MAP2: variants seen among roughly 807,000 people sequenced by gnomAD.
The protein encoded by MAP2 is microtubule-associated protein 2.
Under a neutral mutation model 137.6 loss-of-function variants are expected in MAP2, and 14 were observed. The ratio of observed to expected loss-of-function variants is 0.10; its 90% CI spans 0.07 to 0.16. The LOEUF (loss-of-function observed/expected upper bound fraction) is 0.16, where lower values mean the gene tolerates loss of function less well. Ranked by LOEUF, MAP2 falls within the 10% of genes least tolerant of loss-of-function variation. MAP2 has a pLI of 1.00. For synonymous variants in MAP2, 786 were observed against 782.3 expected, an observed-to-expected ratio of 1.00 and a Z score of -0.08; for missense variants, 2,088 against 2,191.5, an observed-to-expected ratio of 0.95 and a Z score of 0.94.
At chr2:209,519,458 A>G (rs1292420233) in intron 2 of MAP2, among the ~76,000 whole-genome samples, 1 of 151,976 alleles carries the variant, frequency 6.6e-6, no homozygotes, top group African/African-American at 2.4e-5. Context: ...TTAGGCTCCT[A>G]CCCTCCCATA....
In MAP2 at chr2:209,696,947, A is replaced by G; in HGVS notation, c.4418A>G (p.Lys1473Arg). 6.2e-7 allele frequency: 1 copy of G among 1,609,134 alleles called. No homozygotes were observed. The highest frequency in any genetic ancestry group is 8.5e-7 in the Non-Finnish European group (1 of 1,178,832). The change falls in exon 10 of 16, where the codon AAA (lysine) becomes AGA (arginine). Residue 1473 changes from lysine to arginine, a missense_variant. Coordinates refer to ENST00000682079, the MANE Select transcript of MAP2 (RefSeq NM_001375505.1). ...AVYKKAELAK[K>R]TEVQAHSPSR... Reference sequence around the variant, plus strand: ...TATAAGAAGGCTGAACTTGCTAAAAAAACAGAAGTTCAGGCCCACTCTCCC... The same window carrying G: ...TATAAGAAGGCTGAACTTGCTAAAAGAACAGAAGTTCAGGCCCACTCTCCC...
rs555930517 is a variant in MAP2 at position 209,566,555 on chromosome 2, T to G, written c.-171-13481T>G. Among the ~76,000 whole-genome samples, 39 of 152,322 alleles carry G rather than the reference T, an allele frequency of 2.6e-4. No homozygotes were observed. The South Asian group carries it at 3.9e-3, about 15-fold the overall frequency. On this transcript the variant is annotated intron_variant, in intron 2 of 15. Coordinates refer to ENST00000682079, the MANE Select transcript of MAP2 (RefSeq NM_001375505.1). ...ACTCTTCTCTATCCATGTCGCATAT[T>G]CTTGCTTCTTCTTCTGATTTGAGTG...
Position 209,506,976 on chromosome 2 carries a change from C to T in MAP2, c.-221-616C>T, listed in dbSNP as rs148001579. Among the ~76,000 whole-genome samples, 381 of 152,244 alleles carry T rather than the reference C, an allele frequency of 2.5e-3. 1 individual carries two copies. The highest frequency in any genetic ancestry group is 4.2e-3 in the Non-Finnish European group (283 of 68,000). ...GCAGATTGGTTTTGCTGAGGTCCTG[C>T]TTCCTGTTTTTTCCTCCGCCTTCAT... On this transcript the variant is annotated intron_variant, in intron 1 of 15. Transcript: ENST00000682079.
rs1408952286 is a variant in MAP2 at position 209,693,769 on chromosome 2, T to C, written c.1599T>C (p.Ile533=). ...EPSALIEKSS[I]QELFEMRVDD... Reference sequence around the variant, plus strand: ...CTGCATTAATTGAAAAGAGCTCAATTCAGGAACTTTTTGAAATGAGAGTTG... The same window carrying C: ...CTGCATTAATTGAAAAGAGCTCAATCCAGGAACTTTTTGAAATGAGAGTTG... Residue 533 remains isoleucine (I), a synonymous_variant, in exon 8 of 16, where the codon ATT becomes ATC. Transcript: ENST00000682079. 6.2e-7 allele frequency: 1 copy of C among 1,613,936 alleles called. No individual in the cohort carries two copies. Among genetic ancestry groups the C allele is most frequent in the Admixed American group, 1.7e-5 (1 of 59,992 alleles).
At chr2:209,650,896 T>C (rs963659472) in intron 4 of MAP2, among the ~76,000 whole-genome samples, 1 of 152,186 alleles carries the variant, frequency 6.6e-6, no homozygotes, top group African/African-American at 2.4e-5. Flanking sequence ...GTTCTCTGTG[T>C]ACACAAAATA....
At chr2:209,510,698 G>A (rs2061621792) in intron 2 of MAP2, among the ~76,000 whole-genome samples, 1 of 151,926 alleles carries the variant, frequency 6.6e-6, no homozygotes, top group African/African-American at 2.4e-5. Context: ...TGCTTGTAAA[G>A]GAATACTCAT....
chr2:209,627,470 C>G (rs955571467), intron 4 of MAP2, among the ~76,000 whole-genome samples: 2 of 152,044 alleles, frequency 1.3e-5, no homozygotes, highest in African/African-American at 4.8e-5. Flanking sequence ...ATATAAGTCT[C>G]TTAGGTCAGA....
At chr2:209,544,306 C>A (rs2067612203) in intron 2 of MAP2, among the ~76,000 whole-genome samples, 1 of 151,612 alleles carries the variant, frequency 6.6e-6, no homozygotes, top group South Asian at 2.1e-4. Context: ...TTTTTGTCTT[C>A]TAGCCCAGCA....
intron 2 of MAP2, among the ~76,000 whole-genome samples, chr2:209,549,389 G>C (rs2068715576): frequency 6.6e-6 from 1 of 152,064 alleles, no homozygotes; most frequent in African/African-American, 2.4e-5. Context: ...TCTGGCTCTG[G>C]TGGCTCCCAC....
chr2:209,598,703 TTTTTTGTTC>T (rs2082109341), intron 3 of MAP2, among the ~76,000 whole-genome samples: 1 of 150,820 alleles, frequency 6.6e-6, no homozygotes, highest in Non-Finnish European at 1.5e-5. Flanking sequence ...TGGTGTTTGG[TTTTTTGTTC>T]TTGCAATAGT....
At chr2:209,593,628 A>AT (rs1169277266) in intron 3 of MAP2, among the ~76,000 whole-genome samples, 1 of 63,428 alleles carries the variant, frequency 1.6e-5, no homozygotes, top group East Asian at 4.1e-4. Flanking sequence ...ACAAAAAAAA[A>AT]AAAAAAATAT....
intron 1 of MAP2, among the ~76,000 whole-genome samples, chr2:209,492,546 G>T (rs112015847): frequency 7.2e-5 from 11 of 152,048 alleles, no homozygotes; most frequent in Non-Finnish European, 1.5e-4. Flanking sequence ...AAACACCATC[G>T]TCAGGCCCAA....
intron 3 of MAP2, among the ~76,000 whole-genome samples, chr2:209,607,113 G>C (rs1186348858): frequency 1.3e-5 from 2 of 152,068 alleles, no homozygotes; most frequent in African/African-American, 4.8e-5. Flanking sequence ...ACATGTCCCA[G>C]GTACATTTCC....
chr2:209,429,318 A>C (rs1693585356), intron 1 of MAP2, among the ~76,000 whole-genome samples: 1 of 152,180 alleles, frequency 6.6e-6, no homozygotes, highest in Non-Finnish European at 1.5e-5. Context: ...TAAATAAAAA[A>C]TTTGGCTAGC....
At position 209,490,605 on chromosome 2, in the gene MAP2, C is replaced by CAAAAAAAAAAA. The variant is rs59133937; in HGVS notation, c.-221-16967_-221-16957dup. The stretch of plus-strand genomic sequence containing the variant: ...GAAGATTTACCAAGCAAATGGAAAG[C>CAAAAAAAAAAA]AAAAAAAAAAAAAAAAAAAAAAAAA... On this transcript the variant is annotated intron_variant, in intron 1 of 15. Coordinates refer to ENST00000682079, the MANE Select transcript of MAP2 (RefSeq NM_001375505.1). 9.0e-4 allele frequency among the ~76,000 whole-genome samples: 5 copies of CAAAAAAAAAAA among 5,562 alleles called. 2 individuals carry two copies. The highest frequency in any genetic ancestry group is 1.5e-3 in the African/African-American group (2 of 1,346). 3.6% of individuals were successfully genotyped at this position (5,562 alleles called of 152,430 possible).
intron 2 of MAP2, among the ~76,000 whole-genome samples, chr2:209,547,197 C>A (rs1270489269): frequency 6.6e-6 from 1 of 152,088 alleles, no homozygotes; most frequent in Non-Finnish European, 1.5e-5. Context: ...TGGAAGCATG[C>A]CCCTTGAGGA....
chr2:209,613,358 G>A (rs578085584), intron 3 of MAP2, among the ~76,000 whole-genome samples: 1 of 152,104 alleles, frequency 6.6e-6, no homozygotes, highest in East Asian at 1.9e-4. Flanking sequence ...TTAGGAAATA[G>A]AATGAATGTG....
At chr2:209,628,309 G>A (rs1022057774) in intron 4 of MAP2, among the ~76,000 whole-genome samples, 1 of 152,162 alleles carries the variant, frequency 6.6e-6, no homozygotes, top group African/African-American at 2.4e-5. Context: ...AGGTTGCAGT[G>A]AGCCGAGATA....
intron 5 of MAP2, among the ~76,000 whole-genome samples, chr2:209,671,967 C>G (rs769964085): frequency 7.1e-6 from 1 of 141,552 alleles, no homozygotes; most frequent in Admixed American, 6.7e-5. Flanking sequence ...AAAGTTTCAT[C>G]TCCATTGGTT....
Sources: allele counts gnomAD v4.1 joint callset (sites outside exome capture counted in the v4.1 genomes callset), GRCh38; gene constraint gnomAD v4.1.1; transcripts MANE v1.5; gene names NCBI Gene and HGNC (gene_info 2026-07-23, HGNC 2026-07-21).